Variants in NRXN1 observed in about 807,000 individuals in gnomAD.
NRXN1 encodes the protein neurexin-1.
Under a neutral mutation model 150.9 loss-of-function variants are expected in NRXN1, and 39 were observed. That is an observed-to-expected ratio of 0.26 (90% CI 0.20 to 0.34). The LOEUF (loss-of-function observed/expected upper bound fraction) is 0.34, where lower values mean the gene tolerates loss of function less well. NRXN1 is among the 10% of genes least tolerant of loss of function. The pLI is 1.00. For missense variants in NRXN1, 1,815 were observed against 1,949.9 expected (o/e 0.93, Z 1.30); for synonymous variants, 924 against 757.0 (o/e 1.22, Z -3.62).
At chr2:50,948,051 A>G (rs746492525) in intron 2 of NRXN1, among the ~76,000 whole-genome samples, 14 of 151,768 alleles carry the variant, frequency 9.2e-5, no homozygotes, top group Non-Finnish European at 1.5e-4. Flanking sequence ...TTTTATTTTA[A>G]AATATATTAA....
chr2:50,079,868 C>T (rs951211432), intron 19 of NRXN1, among the ~76,000 whole-genome samples: 4 of 151,984 alleles, frequency 2.6e-5, no homozygotes, highest in Non-Finnish European at 4.4e-5. Context: ...TAATAATGAA[C>T]GGTAATATGG....
intron 17 of NRXN1, among the ~76,000 whole-genome samples, chr2:50,277,153 C>T (rs2070596328): frequency 6.6e-6 from 1 of 151,802 alleles, no homozygotes; most frequent in African/African-American, 2.4e-5. Flanking sequence ...ACAACAACAA[C>T]AAAAAAAGCC....
intron 5 of NRXN1, among the ~76,000 whole-genome samples, chr2:50,746,232 G>A (rs1700009265): frequency 6.6e-6 from 1 of 152,048 alleles, no homozygotes; most frequent in Non-Finnish European, 1.5e-5. Context: ...ACTGGTGTGA[G>A]GGGCTGGTGA....
chr2:50,799,134 A>T (rs115502695), intron 5 of NRXN1, among the ~76,000 whole-genome samples: 1 of 152,178 alleles, frequency 6.6e-6, no homozygotes, highest in African/African-American at 2.4e-5. Flanking sequence ...AAAAAATAAT[A>T]TAAGCTAAAT....
chr2:50,671,887 A>G (rs1688904827), intron 5 of NRXN1, among the ~76,000 whole-genome samples: 1 of 151,894 alleles, frequency 6.6e-6, no homozygotes, highest in African/African-American at 2.4e-5. Flanking sequence ...GACAAACCCA[A>G]AAAGAAAATA....
At chr2:50,205,943 G>A (rs2062538316) in intron 18 of NRXN1, among the ~76,000 whole-genome samples, 1 of 151,970 alleles carries the variant, frequency 6.6e-6, no homozygotes, top group Admixed American at 6.6e-5. Flanking sequence ...TCTAGGGCTT[G>A]GGAGAAGGAG....
At chr2:50,499,453 C>A (rs2091826719) in intron 13 of NRXN1, among the ~76,000 whole-genome samples, 1 of 152,280 alleles carries the variant, frequency 6.6e-6, no homozygotes, top group African/African-American at 2.4e-5. Flanking sequence ...ACTATTACAT[C>A]CTTGTCAATT....
At chr2:50,931,236 TC>T (rs939528247) in intron 2 of NRXN1, among the ~76,000 whole-genome samples, 1 of 152,140 alleles carries the variant, frequency 6.6e-6, no homozygotes, top group Non-Finnish European at 1.5e-5. Flanking sequence ...CCATTTTTTT[TC>T]ATCTTACTAC....
At chr2:50,553,049 G>C (rs1314457530) in intron 8 of NRXN1, 24 bp from the exon 9 acceptor site, 2 of 1,496,552 alleles carry the variant, frequency 1.3e-6, no homozygotes, top group South Asian at 2.5e-5. Flanking sequence ...ATAGCAGTGA[G>C]AAACTAGCCT....
intron 17 of NRXN1, among the ~76,000 whole-genome samples, chr2:50,411,639 G>A (rs1415386612): frequency 5.9e-5 from 9 of 151,582 alleles, no homozygotes; most frequent in African/African-American, 1.5e-4. Flanking sequence ...CTGACCGGCC[G>A]CCCCGTCTGA....
chr2:50,666,876 ATGATGTG>A (rs1158915400), intron 5 of NRXN1, among the ~76,000 whole-genome samples: 21 of 33,814 alleles, frequency 6.2e-4, no homozygotes, highest in African/African-American at 1.7e-3. Flanking sequence ...GATGATGATG[ATGATGTG>A]TGTGTGTGTG....
chr2:50,049,183 T>A (rs1468021021), intron 21 of NRXN1, among the ~76,000 whole-genome samples: 1 of 152,126 alleles, frequency 6.6e-6, no homozygotes, highest in East Asian at 1.9e-4. Context: ...GAGTCAAAAA[T>A]ATACTATTAA....
chr2:50,536,809 A>G (rs2093272205), intron 10 of NRXN1, among the ~76,000 whole-genome samples: 1 of 152,236 alleles, frequency 6.6e-6, no homozygotes, highest in Admixed American at 6.5e-5. Context: ...GCAAAATGCA[A>G]AGAGGAAACT....
intron 2 of NRXN1, among the ~76,000 whole-genome samples, chr2:50,973,583 G>A (rs1695357931): frequency 6.6e-6 from 1 of 152,000 alleles, no homozygotes; most frequent in African/African-American, 2.4e-5. Context: ...TGTAACAAAA[G>A]AGTTACATAT....
At chr2:50,370,127 T>A (rs983903397) in intron 17 of NRXN1, among the ~76,000 whole-genome samples, 3 of 152,048 alleles carry the variant, frequency 2.0e-5, no homozygotes, top group African/African-American at 4.8e-5. Flanking sequence ...ATGATTTTAG[T>A]TCCCATGTAT....
intron 17 of NRXN1, among the ~76,000 whole-genome samples, chr2:50,251,587 G>C (rs1006869686): frequency 9.9e-5 from 15 of 152,244 alleles, no homozygotes; most frequent in Non-Finnish European, 1.6e-4. Context: ...TCTGGTTCTA[G>C]GTCTTTGAGG....
At position 50,650,850 on chromosome 2, in the gene NRXN1, T is replaced by C. The variant is rs530998235; in HGVS notation, c.833-27235A>G. 2.6e-5 allele frequency among the ~76,000 whole-genome samples: 4 copies of C among 152,228 alleles called. No individual in the cohort carries two copies. In the South Asian group the frequency reaches 8.3e-4, roughly 32 times the overall value. ...GTACAAAGTGATCTTTAGCACTGTC[T>C]AGCTTAAAATGTTGATAGTTAATAT... is the stretch of plus-strand genomic sequence containing the variant. On this transcript the variant is annotated intron_variant, in intron 5 of 22. Coordinates refer to ENST00000401669, the MANE Select transcript of NRXN1 (RefSeq NM_001330078.2).
chr2:49,970,347 G>C (rs1440078531), intron 21 of NRXN1: 1 of 151,986 alleles, frequency 6.6e-6, no homozygotes, highest in African/African-American at 2.4e-5. Flanking sequence ...ATGGAAACGG[G>C]TAGTGATAAT....
chr2:50,907,502 T>C (rs1574896193), intron 5 of NRXN1, among the ~76,000 whole-genome samples: 1 of 152,064 alleles, frequency 6.6e-6, no homozygotes, highest in African/African-American at 2.4e-5. Context: ...CCCTTAAAGA[T>C]AGCAAAGGCA....
Sources: allele counts gnomAD v4.1 joint callset (sites outside exome capture counted in the v4.1 genomes callset), GRCh38; gene constraint gnomAD v4.1.1; transcripts MANE v1.5; gene names NCBI Gene and HGNC (gene_info 2026-07-23, HGNC 2026-07-21).